The following MYO5B variants were observed in gnomAD, a reference collection of about 807,000 sequenced individuals.
The protein encoded by MYO5B is unconventional myosin-Vb.
A neutral mutation model predicts 229.3 loss-of-function variants in MYO5B; 143 were observed. The observed-to-expected ratio is 0.62, with a 90% CI of 0.54 to 0.72. The LOEUF is 0.72. MYO5B is among the 30% of genes least tolerant of loss of function. MYO5B has a pLI of 0.00. For synonymous variants in MYO5B, 918 were observed against 885.2 expected (o/e 1.04, Z -0.66); for missense variants, 2,321 against 2,331.0 (o/e 1.00, Z 0.09).
chr18:50,038,070 G>C (rs1431858364), intron 3 of MYO5B, among the ~76,000 whole-genome samples: 2 of 152,202 alleles, frequency 1.3e-5, no homozygotes, highest in Non-Finnish European at 2.9e-5. Flanking sequence ...ATGCTATAAA[G>C]TTCAGATAAT....
chr18:50,105,248 T>TAAAAAAA (rs142685025), intron 1 of MYO5B, among the ~76,000 whole-genome samples: 6 of 131,598 alleles, frequency 4.6e-5, no homozygotes, highest in African/African-American at 1.7e-4. Context: ...AATAAATAAA[T>TAAAAAAA]AAAAAATAGA....
intron 1 of MYO5B, among the ~76,000 whole-genome samples, chr18:50,096,474 C>T (rs1276054865): frequency 6.6e-6 from 1 of 152,050 alleles, no homozygotes. Flanking sequence ...CTAGAAGATC[C>T]CTCTTTCTAA....
chr18:50,065,448 G>C (rs975203050), intron 1 of MYO5B, among the ~76,000 whole-genome samples: 1 of 152,298 alleles, frequency 6.6e-6, no homozygotes, highest in South Asian at 2.1e-4. Context: ...GGAAGGCGAA[G>C]CAGCAGCAAG....
chr18:49,991,272 A>G (rs141946482), intron 6 of MYO5B, among the ~76,000 whole-genome samples: 2 of 152,352 alleles, frequency 1.3e-5, no homozygotes, highest in East Asian at 1.9e-4. Flanking sequence ...GATGTTTGCT[A>G]TCATCAGCAT....
chr18:50,161,358 T>C (rs1470425389), intron 1 of MYO5B, among the ~76,000 whole-genome samples: 6 of 152,154 alleles, frequency 3.9e-5, no homozygotes, highest in Non-Finnish European at 7.3e-5. Flanking sequence ...CACTCCAGTC[T>C]GGACAACAGG....
At chr18:50,001,136 T>C (rs2026042084) in intron 5 of MYO5B, 119 bp downstream of exon 5, 4 of 1,316,844 alleles carry the variant, frequency 3.0e-6, no homozygotes, top group Admixed American at 1.7e-5. Flanking sequence ...TCCTCCACAG[T>C]GGACAGAGGG....
chr18:49,969,714 C>T (rs1040890419), intron 10 of MYO5B: 7 of 152,192 alleles, frequency 4.6e-5, no homozygotes, highest in African/African-American at 1.7e-4. Flanking sequence ...CATTAAAGAG[C>T]ACCGAATAGA....
intron 1 of MYO5B, among the ~76,000 whole-genome samples, chr18:50,090,334 C>T (rs560653629): frequency 4.2e-4 from 23 of 54,156 alleles, no homozygotes; most frequent in Middle Eastern, 5.6e-3. Context: ...CAGAGCAAGA[C>T]CCTCAAAAAA....
At chr18:50,181,890 CT>C (rs2033078186) in intron 1 of MYO5B, among the ~76,000 whole-genome samples, 1 of 152,176 alleles carries the variant, frequency 6.6e-6, no homozygotes, top group African/African-American at 2.4e-5. Context: ...AATATTATCC[CT>C]CATTACGGAA....
chr18:50,096,760 T>A (rs2031559486), intron 1 of MYO5B, among the ~76,000 whole-genome samples: 5 of 152,222 alleles, frequency 3.3e-5, no homozygotes, highest in Admixed American at 3.3e-4. Context: ...TCAAACCCCC[T>A]TTGCCCTGCC....
chr18:49,985,257 C>T (rs17728590), intron 7 of MYO5B, among the ~76,000 whole-genome samples: 17,339 of 152,146 alleles, frequency 0.11, 1,032 homozygotes, highest in East Asian at 0.22. Context: ...GTGATGTGCC[C>T]GAGGTGACAG....
chr18:49,827,873 A>G (rs1238083179), intron 39 of MYO5B, among the ~76,000 whole-genome samples: 1 of 152,012 alleles, frequency 6.6e-6, no homozygotes, highest in African/African-American at 2.4e-5. Flanking sequence ...AGTGAAACAC[A>G]TTATACTAAA....
intron 31 of MYO5B, chr18:49,850,235 T>G: frequency 5.6e-6 from 1 of 178,120 alleles, no homozygotes; most frequent in South Asian, 1.4e-4. Context: ...GTCACCTCCA[T>G]CCCAGCTGAG....
rs192546171 is a variant in MYO5B at position 50,058,591 on chromosome 18, A to T, written c.28-3213T>A. ...TTTGGGAGGCCGAGGTAGGTGGATC[A>T]TTTGAGGTCAGGAGTTCGAAACCAG... On this transcript the variant is annotated intron_variant, in intron 1 of 39. Transcript: ENST00000285039. Among the ~76,000 whole-genome samples the T allele has an allele frequency of 1.6e-4, 24 of 152,304 alleles. No individual in the cohort carries two copies. The East Asian group carries it at 4.4e-3, about 28-fold the overall frequency.
At position 49,909,823 on chromosome 18, in the gene MYO5B, T is replaced by C. The variant is rs9956416; in HGVS notation, c.2202+2239A>G. On this transcript the variant is annotated intron_variant, in intron 18 of 39. Transcript: ENST00000285039. ...GGCAGGCAAAAGAGGGGAAAAAGCA[T>C]TGCAGGCAGAGGAAACAGCATGTAT... 7.9e-3 allele frequency among the ~76,000 whole-genome samples: 1,210 copies of C among 152,294 alleles called. 10 individuals carry two copies. The highest frequency in any genetic ancestry group is 0.027 in the African/African-American group (1,124 of 41,562).
In MYO5B at chr18:49,879,045, T is replaced by A. The variant is rs781487987; in HGVS notation, c.3176A>T (p.Glu1059Val). Residue 1059 changes from glutamate to valine, a missense_variant, in exon 24 of 40, where the codon GAA becomes GTA. By Grantham distance (121) the Glu-to-Val change is moderately radical. Coordinates refer to ENST00000285039, the MANE Select transcript of MYO5B (RefSeq NM_001080467.3). ...GTACCGGGATCGCTCCTCCTCCAGT[T>A]CTTTCTTCATGAGATTTTCCTTCAC... is the stretch of plus-strand genomic sequence containing the variant. ...NSVKENLMKK[E>V]LEEERSRYQN... 30 of 1,596,712 alleles carry A rather than the reference T, an allele frequency of 1.9e-5. No homozygotes were observed. In the Middle Eastern group the frequency reaches 5.0e-4, roughly 26 times the overall value.
chr18:50,072,619 C>T (rs1475128160), intron 1 of MYO5B, among the ~76,000 whole-genome samples: 2 of 152,196 alleles, frequency 1.3e-5, no homozygotes, highest in Non-Finnish European at 2.9e-5. Flanking sequence ...CTCATGTGGG[C>T]ATGAGATGAC....
chr18:50,064,936 C>G (rs1281429992), intron 1 of MYO5B, among the ~76,000 whole-genome samples: 1 of 152,188 alleles, frequency 6.6e-6, no homozygotes, highest in Admixed American at 6.5e-5. Flanking sequence ...GAGCACCACT[C>G]TTTCTTAAGA....
chr18:50,048,034 C>T (rs2030285123), intron 2 of MYO5B, among the ~76,000 whole-genome samples: 1 of 151,036 alleles, frequency 6.6e-6, no homozygotes, highest in South Asian at 2.1e-4. Flanking sequence ...CACATGTATA[C>T]ATATGTAACA....
Sources: allele counts gnomAD v4.1 joint callset (sites outside exome capture counted in the v4.1 genomes callset), GRCh38; gene constraint gnomAD v4.1.1; transcripts MANE v1.5; gene names NCBI Gene and HGNC (gene_info 2026-07-23, HGNC 2026-07-21).